Variants in CEP128 observed in about 807,000 individuals in gnomAD.
The protein encoded by CEP128 is centrosomal protein 128, also known as centrosomal protein 128kDa.
Under a neutral mutation model 156.7 loss-of-function variants are expected in CEP128, and 132 were observed. That is an observed-to-expected ratio of 0.84 (90% confidence interval 0.73 to 0.97). CEP128 has a LOEUF of 0.97. Ranked by LOEUF, CEP128 falls within the 50% of genes least tolerant of loss-of-function variation. The probability of loss-of-function intolerance (pLI) is 0.00; values close to 1 mark genes in which losing one functional copy is unlikely to be tolerated. For synonymous variants in CEP128, 469 were observed against 448.9 expected (o/e 1.04, Z -0.57); for missense variants, 1,252 against 1,281.9 (o/e 0.98, Z 0.36).
chr14:80,644,711 TTAAC>T (rs1201762527), intron 19 of CEP128, among the ~76,000 whole-genome samples: 2 of 152,198 alleles, frequency 1.3e-5, no homozygotes, highest in African/African-American at 4.8e-5. Context: ...AGGTAATAAT[TTAAC>T]TACTCTATAT....
At chr14:80,937,172 T>A (rs897477651) in intron 2 of CEP128, among the ~76,000 whole-genome samples, 5 of 151,694 alleles carry the variant, frequency 3.3e-5, no homozygotes, top group African/African-American at 4.8e-5. Flanking sequence ...TAAAACAAAA[T>A]TAGCCAGGTG....
intron 19 of CEP128, among the ~76,000 whole-genome samples, chr14:80,732,280 G>A (rs995154463): frequency 6.6e-6 from 1 of 152,100 alleles, no homozygotes; most frequent in Admixed American, 6.6e-5. Context: ...CAAAAAAATT[G>A]CACTAGCAAA....
intron 19 of CEP128, among the ~76,000 whole-genome samples, chr14:80,656,301 A>T (rs71430715): frequency 0.19 from 2,737 of 14,252 alleles, 283 homozygotes; most frequent in African/African-American, 0.23. Context: ...TTATATATAT[A>T]TATATATATA....
chr14:80,503,272 C>T (rs1291537110), intron 24 of CEP128, among the ~76,000 whole-genome samples: 2 of 151,952 alleles, frequency 1.3e-5, no homozygotes, highest in African/African-American at 2.4e-5. Context: ...ATATATTTTC[C>T]TATTTAACTT....
At chr14:80,870,130 C>T (rs1887955108) in intron 8 of CEP128, among the ~76,000 whole-genome samples, 1 of 151,870 alleles carries the variant, frequency 6.6e-6, no homozygotes, top group East Asian at 1.9e-4. Context: ...AAAGAAAAGC[C>T]CAGAACCTGA....
chr14:80,527,817 A>T (rs1363904977), intron 22 of CEP128, among the ~76,000 whole-genome samples: 2 of 152,226 alleles, frequency 1.3e-5, no homozygotes, highest in African/African-American at 4.8e-5. Flanking sequence ...TTAAAAACAT[A>T]AAAAGATTCA....
upstream of CEP128, among the ~76,000 whole-genome samples, chr14:80,944,936 G>T (rs1295430145): frequency 2.1e-5 from 3 of 144,130 alleles, no homozygotes; most frequent in Non-Finnish European, 4.5e-5. Context: ...GTTCTTCATA[G>T]CAGGGTGAAA....
intron 16 of CEP128, among the ~76,000 whole-genome samples, chr14:80,774,609 ATGTG>A (rs143520284): frequency 1.9e-4 from 29 of 150,686 alleles, no homozygotes; most frequent in Middle Eastern, 3.4e-3. Context: ...ATATATACAT[ATGTG>A]TGTGTGTGTG....
intron 14 of CEP128, among the ~76,000 whole-genome samples, chr14:80,482,398 G>A (rs1887072735): frequency 6.6e-6 from 1 of 152,184 alleles, no homozygotes; most frequent in African/African-American, 2.4e-5. Context: ...ACCATGCAGT[G>A]TAGTATGCAC....
In CEP128 at chr14:80,931,980, G is replaced by A. The variant is rs559076692; in HGVS notation, c.-16+7405C>T. On this transcript the variant is annotated intron_variant, in intron 2 of 24. Transcript: ENST00000555265. ...GTAGTTCTCGTAATCCCCATGTGTCGTGGGAGAGACTGGTGGGAGGTAATT... is the reference window on the plus strand; with the variant it reads ...GTAGTTCTCGTAATCCCCATGTGTCATGGGAGAGACTGGTGGGAGGTAATT... Among the ~76,000 whole-genome samples, 221 of 152,256 alleles carry A rather than the reference G, an allele frequency of 1.5e-3. 1 individual carries two copies. The highest frequency in any genetic ancestry group is 5.1e-3 in the African/African-American group (212 of 41,542).
At chr14:80,836,933 T>C (rs1218732618) in intron 11 of CEP128, among the ~76,000 whole-genome samples, 2 of 152,152 alleles carry the variant, frequency 1.3e-5, no homozygotes, top group African/African-American at 4.8e-5. Context: ...ACAATGACAA[T>C]CTAAACAAAG....
chr14:80,811,097 G>A (rs1884507129), intron 13 of CEP128, among the ~76,000 whole-genome samples: 2 of 152,140 alleles, frequency 1.3e-5, no homozygotes, highest in South Asian at 4.2e-4. Context: ...CTCCACCCAC[G>A]TCCCTACAAA....
At chr14:80,693,439 T>G (rs1324851433) in intron 19 of CEP128, among the ~76,000 whole-genome samples, 1 of 152,154 alleles carries the variant, frequency 6.6e-6, no homozygotes, top group African/African-American at 2.4e-5. Context: ...AAAATTGACT[T>G]TATTCTTTAA....
chr14:80,671,609 T>C (rs1485253927), intron 19 of CEP128, among the ~76,000 whole-genome samples: 2 of 152,086 alleles, frequency 1.3e-5, no homozygotes, highest in Non-Finnish European at 2.9e-5. Flanking sequence ...GGACAAGCCA[T>C]GGGGAATGAA....
intron 19 of CEP128, among the ~76,000 whole-genome samples, chr14:80,594,053 G>A (rs1199403992): frequency 2.0e-5 from 3 of 152,078 alleles, no homozygotes; most frequent in Admixed American, 6.6e-5. Flanking sequence ...GAGGCATCAC[G>A]CTACCTGACT....
intron 12 of CEP128, among the ~76,000 whole-genome samples, chr14:80,832,733 G>A (rs766484915): frequency 1.3e-5 from 2 of 152,172 alleles, no homozygotes; most frequent in African/African-American, 2.4e-5. Flanking sequence ...AAAGCATACA[G>A]GTACAAAACT....
chr14:80,625,332 A>G (rs1174070070), intron 19 of CEP128, among the ~76,000 whole-genome samples: 1 of 152,132 alleles, frequency 6.6e-6, no homozygotes, highest in South Asian at 2.1e-4. Context: ...CCAATATCAC[A>G]TTATTTTGGT....
intron 9 of CEP128, among the ~76,000 whole-genome samples, chr14:80,855,182 T>C (rs908799142): frequency 6.6e-6 from 1 of 152,186 alleles, no homozygotes; most frequent in Non-Finnish European, 1.5e-5. Flanking sequence ...CCTGTTGTGA[T>C]AGTGCTTTCA....
intron 2 of CEP128, among the ~76,000 whole-genome samples, chr14:80,950,906 G>GAAAAAAA (rs59969729): frequency 2.6e-5 from 3 of 115,048 alleles, no homozygotes; most frequent in Non-Finnish European, 1.9e-5. Flanking sequence ...TCCCGAGTAA[G>GAAAAAAA]AAAAAAAAAA....
Sources: allele counts gnomAD v4.1 joint callset (sites outside exome capture counted in the v4.1 genomes callset), GRCh38; gene constraint gnomAD v4.1.1; transcripts MANE v1.5; gene names NCBI Gene and HGNC (gene_info 2026-07-23, HGNC 2026-07-21).